The following GPR158 variants were observed in gnomAD, a reference collection of about 807,000 sequenced individuals.
The protein encoded by GPR158 is metabotropic glycine receptor.
In GPR158, 30 loss-of-function variants were observed where a neutral mutation model predicts 78.2. That is an observed-to-expected ratio of 0.38 (90% CI 0.29 to 0.52). GPR158 has a LOEUF of 0.52. Among genes scored for constraint, GPR158 ranks in the 20% least tolerant of loss-of-function variants. GPR158 has a pLI of 0.83. For missense variants in GPR158, 1,463 were observed against 1,523.5 expected, an observed-to-expected ratio of 0.96 and a Z score of 0.66; for synonymous variants, 581 against 591.1, an observed-to-expected ratio of 0.98 and a Z score of 0.25.
intron 1 of GPR158, among the ~76,000 whole-genome samples, chr10:25,208,830 TTTTC>T (rs1056231384): frequency 3.3e-5 from 5 of 151,200 alleles, no homozygotes; most frequent in African/African-American, 9.8e-5. Flanking sequence ...CTTCCTGTTT[TTTTC>T]TTTCTTTCTT....
intron 2 of GPR158, among the ~76,000 whole-genome samples, chr10:25,369,682 TA>T (rs1207790730): frequency 6.6e-6 from 1 of 151,832 alleles, no homozygotes; most frequent in Non-Finnish European, 1.5e-5. Context: ...GCTGGCCTCA[TA>T]AAATGAGTTA....
intron 7 of GPR158, among the ~76,000 whole-genome samples, chr10:25,588,721 C>T (rs914729881): frequency 1.6e-4 from 25 of 152,100 alleles, no homozygotes; most frequent in African/African-American, 4.8e-4. Flanking sequence ...CAGTGGTTTT[C>T]AGAAAAAGCA....
At chr10:25,516,784 T>A (rs1184981015) in intron 5 of GPR158, among the ~76,000 whole-genome samples, 4 of 108,432 alleles carry the variant, frequency 3.7e-5, no homozygotes, top group East Asian at 2.6e-4. Context: ...CCTTGTAGTA[T>A]AGTTTGAAGT....
At chr10:25,392,324 A>AC (rs907903217) in intron 2 of GPR158, among the ~76,000 whole-genome samples, 2 of 151,914 alleles carry the variant, frequency 1.3e-5, no homozygotes, top group Non-Finnish European at 2.9e-5. Context: ...TCACTCACAC[A>AC]CCCCCACTGC....
intron 5 of GPR158, among the ~76,000 whole-genome samples, chr10:25,491,241 CA>C (rs1178850796): frequency 6.6e-6 from 1 of 152,150 alleles, no homozygotes; most frequent in South Asian, 2.1e-4. Context: ...TTCCCAGCCT[CA>C]CAACCTTCCC....
chr10:25,438,255 G>A (rs1352362463), intron 4 of GPR158, among the ~76,000 whole-genome samples: 3 of 152,208 alleles, frequency 2.0e-5, no homozygotes, highest in African/African-American at 7.2e-5. Context: ...TGTGGGGAAA[G>A]GAGGATGAAG....
At chr10:25,477,686 A>T (rs1835607824) in intron 5 of GPR158, among the ~76,000 whole-genome samples, 1 of 152,290 alleles carries the variant, frequency 6.6e-6, no homozygotes, top group East Asian at 1.9e-4. Context: ...AAAAAACGAA[A>T]TTGGAAATAA....
intron 1 of GPR158, among the ~76,000 whole-genome samples, chr10:25,211,390 C>T (rs942698712): frequency 2.0e-5 from 3 of 152,242 alleles, no homozygotes; most frequent in Non-Finnish European, 2.9e-5. Flanking sequence ...GGAGGCCACA[C>T]GTGGTGAGGG....
chr10:25,262,321 G>T (rs1853977961), intron 2 of GPR158, among the ~76,000 whole-genome samples: 1 of 151,872 alleles, frequency 6.6e-6, no homozygotes, highest in African/African-American at 2.4e-5. Context: ...TCATAATAAT[G>T]GATAATTATC....
intron 5 of GPR158, among the ~76,000 whole-genome samples, chr10:25,498,197 A>C (rs757631091): frequency 6.6e-6 from 1 of 152,198 alleles, no homozygotes; most frequent in Non-Finnish European, 1.5e-5. Flanking sequence ...TTCCAAACAC[A>C]TGCCTTACTC....
At position 25,503,744 on chromosome 10, in the gene GPR158, GCCTTCTGGTCTAC is replaced by G. The variant is rs140327662; in HGVS notation, c.1404+37028_1404+37040del. On this transcript the variant is annotated intron_variant, in intron 5 of 10. Coordinates refer to ENST00000376351, the MANE Select transcript of GPR158 (RefSeq NM_020752.3). ...GGCTATGATGTTGCTTCCTCAGAAA[GCCTTCTGGTCTAC>G]CCACAGCTCCCACTCTCACTGTTGT... Among the ~76,000 whole-genome samples, 1,295 of 152,216 alleles carry G rather than the reference GCCTTCTGGTCTAC, an allele frequency of 8.5e-3. 52 individuals carry two copies. Among genetic ancestry groups the G allele is most frequent in the East Asian group, 0.029 (150 of 5,172 alleles).
chr10:25,198,134 C>T (rs956832600), intron 1 of GPR158, among the ~76,000 whole-genome samples: 6 of 152,104 alleles, frequency 3.9e-5, no homozygotes, highest in Admixed American at 3.9e-4. Context: ...GCAGAAGCCC[C>T]AAAACACAAG....
At chr10:25,588,371 G>A (rs1266930613) in intron 7 of GPR158, among the ~76,000 whole-genome samples, 2 of 152,146 alleles carry the variant, frequency 1.3e-5, no homozygotes, top group Non-Finnish European at 2.9e-5. Flanking sequence ...CACTGTGCTC[G>A]TCTCTTCTGG....
chr10:25,425,010 C>A (rs1348691705), intron 4 of GPR158, among the ~76,000 whole-genome samples: 1 of 152,146 alleles, frequency 6.6e-6, no homozygotes, highest in Non-Finnish European at 1.5e-5. Flanking sequence ...TTCTTCCTAC[C>A]CATGAGCATG....
chr10:25,412,412 C>T lies in GPR158; in HGVS notation c.1274C>T (p.Ala425Val), dbSNP rs2480345. ...CGACTTGCCATCATCTCCTTCCAAG[C>T]CCTGTGTATGCTGCTCGACTTCGTT... The part of the protein sequence containing the change: ...YLRLAIISFQ[A>V]LCMLLDFVSM... Residue 425 changes from alanine (A) to valine (V), a missense_variant, in exon 4 of 11, where the codon GCC becomes GTC. Ala to Val is a moderately conservative substitution (Grantham distance 64). Transcript: ENST00000376351. 2 of 1,613,784 alleles carry T rather than the reference C, an allele frequency of 1.2e-6. No homozygotes were observed. Among genetic ancestry groups the T allele is most frequent in the Admixed American group, 3.3e-5 (2 of 60,002 alleles).
At chr10:25,422,900 A>C (rs1232692950) in intron 4 of GPR158, among the ~76,000 whole-genome samples, 1 of 126,266 alleles carries the variant, frequency 7.9e-6, no homozygotes, top group African/African-American at 3.0e-5. Flanking sequence ...TATCATTCTT[A>C]TGCCTTTGCG....
At position 25,602,183 on chromosome 10, in the gene GPR158, A is replaced by G. The variant is rs1266620726; in HGVS notation, c.*2909A>G. 8 of 152,666 alleles carry G rather than the reference A, an allele frequency of 5.2e-5. No individual in the cohort carries two copies. The highest frequency in any genetic ancestry group is 1.0e-4 in the Non-Finnish European group (7 of 68,038). The allele number at this position is 152,666 out of a possible 1,614,324, so 9.5% of individuals were successfully genotyped here. A position where few individuals can be genotyped will look rare whatever the true frequency, so the allele number is the denominator to read the frequency against. ...AATTTATGTTGTGACGTGTTGCAGC[A>G]TGTAAATAATTATAACTTCTCTGCA... On this transcript the variant is annotated 3_prime_UTR_variant, in exon 11 of 11. Transcript: ENST00000376351.
rs73608269 is a variant in GPR158, at chr10:25,305,774, C to T, written c.1008+84617C>T. Among the ~76,000 whole-genome samples, 296 of 152,200 alleles carry T rather than the reference C, an allele frequency of 1.9e-3. 2 individuals are homozygous for T. Among genetic ancestry groups the T allele is most frequent in the African/African-American group, 6.8e-3 (284 of 41,514 alleles). Reference sequence around the variant, plus strand: ...GCCCTATGACATCATGGGATTAAATCATAAATATGGCTTGGGGTGGCTCAG... The same window carrying T: ...GCCCTATGACATCATGGGATTAAATTATAAATATGGCTTGGGGTGGCTCAG... On this transcript the variant is annotated intron_variant, in intron 2 of 10. Coordinates refer to ENST00000376351, the MANE Select transcript of GPR158 (RefSeq NM_020752.3).
intron 4 of GPR158, among the ~76,000 whole-genome samples, chr10:25,415,539 A>C (rs951494857): frequency 6.6e-6 from 1 of 152,118 alleles, no homozygotes; most frequent in South Asian, 2.1e-4. Context: ...ACTCTCATTC[A>C]TTCCTGTTGG....
Sources: allele counts gnomAD v4.1 joint callset (sites outside exome capture counted in the v4.1 genomes callset), GRCh38; gene constraint gnomAD v4.1.1; transcripts MANE v1.5; gene names NCBI Gene and HGNC (gene_info 2026-07-23, HGNC 2026-07-21).